The following AGBL1 variants were observed in gnomAD, a reference collection of about 807,000 sequenced individuals.
The protein encoded by AGBL1 is cytosolic carboxypeptidase 4.
Under a neutral mutation model 118.9 loss-of-function variants are expected in AGBL1, and 130 were observed. The observed-to-expected ratio is 1.09, with a 90% CI of 0.95 to 1.26. AGBL1 has a LOEUF of 1.26. AGBL1 is among the 50% of genes most tolerant of loss of function. The pLI, the probability that AGBL1 is intolerant of heterozygous loss-of-function variation, is 0.00. For missense variants in AGBL1, 1,584 were observed against 1,298.1 expected (o/e 1.22, Z -3.38); for synonymous variants, 555 against 478.9 (o/e 1.16, Z -2.08).
At chr15:86,759,837 C>T (rs980712239) in intron 22 of AGBL1, among the ~76,000 whole-genome samples, 1 of 152,100 alleles carries the variant, frequency 6.6e-6, no homozygotes, top group Non-Finnish European at 1.5e-5. Context: ...TTATTGTAAT[C>T]ATTTTTAAAA....
chr15:86,913,074 T>C lies in AGBL1; in HGVS notation c.*5780T>C, dbSNP rs924213732. 6 of 152,142 alleles carry C rather than the reference T, an allele frequency of 3.9e-5. No individual in the cohort carries two copies. The highest frequency in any genetic ancestry group is 5.9e-5 in the Non-Finnish European group (4 of 68,028). The allele number at this position is 152,142 out of a possible 1,614,324, so 9.4% of individuals were successfully genotyped here. A position where few individuals can be genotyped will look rare whatever the true frequency, so the allele number is the denominator to read the frequency against. ...ATTTTGAGATAAAAATGGATTCTAT[T>C]ACAACCTTTCAGTGCCTAATAATAA... On this transcript the variant is annotated 3_prime_UTR_variant, in exon 23 of 23. Coordinates refer to ENST00000614907, the MANE Select transcript of AGBL1 (RefSeq NM_001386094.1).
chr15:86,141,984 TGCC>T lies in AGBL1; in HGVS notation c.52-19_52-17del. 1 of 1,548,048 alleles carries T rather than the reference TGCC, an allele frequency of 6.5e-7. No homozygotes were observed. The highest frequency in any genetic ancestry group is 8.7e-7 in the Non-Finnish European group (1 of 1,145,742). On this transcript the variant is annotated splice_polypyrimidine_tract_variant and intron_variant, in intron 1 of 22. Coordinates refer to ENST00000614907, the MANE Select transcript of AGBL1 (RefSeq NM_001386094.1). Reference sequence around the variant, plus strand: ...TTCCTCTTGCATTCTTAAATATGGCTGCCTGTGTTCTCATTGCAGAGCTCCTCT... The same window carrying T: ...TTCCTCTTGCATTCTTAAATATGGCTTGTGTTCTCATTGCAGAGCTCCTCT...
intron 1 of AGBL1, among the ~76,000 whole-genome samples, chr15:86,139,139 A>G (rs77522090): frequency 0.013 from 1,966 of 152,286 alleles, 25 homozygotes; most frequent in East Asian, 0.063. Context: ...AGCTGTGATG[A>G]CAGGCATTAG....
intron 19 of AGBL1, among the ~76,000 whole-genome samples, chr15:86,535,431 C>T (rs556220807): frequency 9.8e-5 from 15 of 152,344 alleles, no homozygotes; most frequent in Admixed American, 9.1e-4. Context: ...GGTGGACAGC[C>T]TCTTCTGAGC....
chr15:86,478,546 G>A (rs570541964), intron 18 of AGBL1, among the ~76,000 whole-genome samples: 9 of 152,110 alleles, frequency 5.9e-5, no homozygotes, highest in Admixed American at 5.9e-4. Context: ...GACCTCTTCA[G>A]GGAGAACTAC....
At chr15:86,391,585 T>C (rs2081285879) in intron 17 of AGBL1, among the ~76,000 whole-genome samples, 2 of 151,674 alleles carry the variant, frequency 1.3e-5, no homozygotes, top group Non-Finnish European at 2.9e-5. Context: ...CACTATCTAA[T>C]TCTTCAGCTC....
chr15:86,583,060 A>T (rs1482432384), intron 21 of AGBL1, among the ~76,000 whole-genome samples: 1 of 152,030 alleles, frequency 6.6e-6, no homozygotes, highest in Admixed American at 6.6e-5. Flanking sequence ...TTTTTAAAAA[A>T]CACCATGGTA....
intron 5 of AGBL1, among the ~76,000 whole-genome samples, chr15:86,200,562 C>CCCCT (rs1491108580): frequency 5.3e-5 from 5 of 95,144 alleles, no homozygotes; most frequent in African/African-American, 8.2e-5. Context: ...CCCCCCCCCC[C>CCCCT]TTTTTTTTTT....
chr15:86,281,523 G>A (rs1435030469), intron 16 of AGBL1, among the ~76,000 whole-genome samples: 1 of 152,164 alleles, frequency 6.6e-6, no homozygotes, highest in South Asian at 2.1e-4. Flanking sequence ...CTTTTTGCTT[G>A]TTAGAATATC....
At chr15:86,762,184 C>T (rs1008473625) in intron 22 of AGBL1, among the ~76,000 whole-genome samples, 1 of 151,920 alleles carries the variant, frequency 6.6e-6, no homozygotes, top group Admixed American at 6.6e-5. Flanking sequence ...CACATAGACA[C>T]AAGGAGGGGA....
rs73449522 is a variant in AGBL1, at chr15:86,246,444, A to G, written c.527-1227A>G. 8.7e-3 allele frequency among the ~76,000 whole-genome samples: 1,323 copies of G among 152,268 alleles called. 13 individuals are homozygous for G. The highest frequency in any genetic ancestry group is 0.029 in the African/African-American group (1,217 of 41,544). ...GGCCTTTTTTAAGGTTCATGGCGTT[A>G]TCTGTCAGGCTTTCCTGCAGGGGTT... On this transcript the variant is annotated intron_variant, in intron 6 of 22. Transcript: ENST00000614907.
At position 86,507,402 on chromosome 15, in the gene AGBL1, G is replaced by A. The variant is rs566851564; in HGVS notation, c.2556-15408G>A. Reference sequence around the variant, plus strand: ...AGAATTCATCCATTCATTCTTTATCGATAAGGTGATTTCTATGTGTCACGA... The same window carrying A: ...AGAATTCATCCATTCATTCTTTATCAATAAGGTGATTTCTATGTGTCACGA... On this transcript the variant is annotated intron_variant, in intron 18 of 22. Coordinates refer to ENST00000614907, the MANE Select transcript of AGBL1 (RefSeq NM_001386094.1). 1.1e-4 allele frequency among the ~76,000 whole-genome samples: 16 copies of A among 152,166 alleles called. No homozygotes were observed. In the South Asian group the frequency reaches 2.5e-3, roughly 24 times the overall value.
chr15:86,946,179 C>T (rs1807906731), intron 23 of AGBL1: 1 of 152,182 alleles, frequency 6.6e-6, no homozygotes, highest in Non-Finnish European at 1.5e-5. Context: ...TATTTTATTA[C>T]AGGCAGTGTT....
intron 22 of AGBL1, among the ~76,000 whole-genome samples, chr15:86,842,474 A>G (rs907708615): frequency 6.6e-6 from 1 of 152,162 alleles, no homozygotes; most frequent in Non-Finnish European, 1.5e-5. Context: ...TTTCTATTTC[A>G]GTGTAATTAA....
chr15:86,088,770 A>G (rs1459365502), intron 1 of AGBL1, among the ~76,000 whole-genome samples: 2 of 152,180 alleles, frequency 1.3e-5, no homozygotes, highest in African/African-American at 4.8e-5. Context: ...ATGGTTTTCA[A>G]TTCTCAGTTT....
intron 5 of AGBL1, among the ~76,000 whole-genome samples, chr15:86,171,598 A>G (rs925943872): frequency 3.3e-5 from 5 of 152,190 alleles, no homozygotes; most frequent in Non-Finnish European, 7.3e-5. Context: ...AGGTGTCACA[A>G]ATAGACAAAA....
At chr15:86,815,019 GT>G (rs2078839847) in intron 22 of AGBL1, among the ~76,000 whole-genome samples, 1 of 151,908 alleles carries the variant, frequency 6.6e-6, no homozygotes, top group Non-Finnish European at 1.5e-5. Context: ...TCAGATAACT[GT>G]TTTGTTTTTT....
chr15:86,193,478 T>G (rs1432519524), intron 5 of AGBL1, among the ~76,000 whole-genome samples: 3 of 152,140 alleles, frequency 2.0e-5, no homozygotes, highest in Admixed American at 2.0e-4. Flanking sequence ...ACTTGTGTCT[T>G]TTTCTGATTT....
intron 1 of AGBL1, among the ~76,000 whole-genome samples, chr15:86,085,269 G>A (rs1050287942): frequency 5.3e-5 from 8 of 152,220 alleles, no homozygotes; most frequent in South Asian, 2.1e-4. Context: ...TTACCAGGAT[G>A]AGGAGGGTGC....
Sources: gnomAD v4.1 joint callset for allele counts (sites outside exome capture counted in the v4.1 genomes callset) on GRCh38, gnomAD v4.1.1 for gene constraint, MANE v1.5 for transcripts, NCBI Gene and HGNC (gene_info 2026-07-23, HGNC 2026-07-21) for gene names.